MTCL1: variants seen among roughly 807,000 people sequenced by gnomAD.
The protein encoded by MTCL1 is microtubule crosslinking factor 1.
A neutral mutation model predicts 141.4 loss-of-function variants in MTCL1; 79 were observed. The observed-to-expected ratio is 0.56, with a 90% CI of 0.47 to 0.67. The LOEUF is 0.67. Ranked by LOEUF, MTCL1 falls within the 30% of genes least tolerant of loss-of-function variation. MTCL1 has a pLI of 0.00. For missense variants in MTCL1, 2,177 were observed against 2,113.9 expected (o/e 1.03, Z -0.59); for synonymous variants, 914 against 875.8 (o/e 1.04, Z -0.77).
chr18:8,741,062 T>G (rs1165283574), intron 4 of MTCL1, among the ~76,000 whole-genome samples: 1 of 152,214 alleles, frequency 6.6e-6, no homozygotes, highest in Non-Finnish European at 1.5e-5. Context: ...GAGCCCAGAA[T>G]GGTGAAGGGA....
In MTCL1 at chr18:8,828,843, T is replaced by C; in HGVS notation, c.4723-65T>C. On this transcript the variant is annotated intron_variant, in intron 15 of 16. Coordinates refer to ENST00000359865, the Ensembl canonical transcript of MTCL1. This position sits in a 1 kb window ranked among gnomAD's most constrained non-coding sequence, Gnocchi z 5.2. The stretch of plus-strand genomic sequence containing the variant: ...TGCTGACTTTAAACCTTTATTGTTC[T>C]CCTGTTTAAAAAACACTTTCCAACC... 3.1e-6 allele frequency: 5 copies of C among 1,612,484 alleles called. No homozygotes were observed. Among genetic ancestry groups the C allele is most frequent in the East Asian group, 2.2e-5 (1 of 44,882 alleles).
chr18:8,783,476 C>T (rs1304223054), intron 5 of MTCL1, 54 bp from the exon 5 acceptor site: 36 of 1,471,784 alleles, frequency 2.4e-5, no homozygotes, highest in African/African-American at 7.0e-5. Flanking sequence ...ATGAAAAACA[C>T]GAACATTTGG....
intron 10 of MTCL1, chr18:8,801,535 TTAAG>T (rs1008410206): frequency 7.9e-5 from 12 of 152,188 alleles, no homozygotes; most frequent in East Asian, 5.8e-4. Flanking sequence ...CTGTCACTCT[TTAAG>T]TAGCCCCTGC....
At position 8,772,986 on chromosome 18, in the gene MTCL1, T is replaced by C. The variant is rs115497623; in HGVS notation, c.358-4847T>C. 1.4e-3 allele frequency among the ~76,000 whole-genome samples: 214 copies of C among 152,298 alleles called. 2 individuals carry two copies. Among genetic ancestry groups the C allele is most frequent in the African/African-American group, 4.8e-3 (200 of 41,562 alleles). ...ATGGTTATGTTGATTTGCCTAACTG[T>C]AGCAATCATTTCACTATGTGTATTC... On this transcript the variant is annotated intron_variant, in intron 4 of 16. Coordinates refer to ENST00000359865, the Ensembl canonical transcript of MTCL1.
In MTCL1 at chr18:8,813,129, G is replaced by A. The variant is rs527348053; in HGVS notation, c.2755G>A (p.Glu919Lys). The A allele has an allele frequency of 4.0e-5, 65 of 1,614,192 alleles. No homozygotes were observed. In the South Asian group the frequency reaches 5.4e-4, roughly 13 times the overall value. ...CCTGCGCTGGCAGATCCATCACAGC[G>A]AGAAGAACTGGAACCGGGAGAAGGT... The change falls in exon 12 of 17, where the codon GAG becomes AAG. Residue 919 changes from glutamate to lysine, a missense_variant. Physicochemically the swap from Glu to Lys is moderately conservative, Grantham distance 56. Coordinates refer to ENST00000359865, the Ensembl canonical transcript of MTCL1.
intron 4 of MTCL1, among the ~76,000 whole-genome samples, chr18:8,760,339 C>G (rs1196444993): frequency 6.6e-6 from 1 of 152,188 alleles, no homozygotes; most frequent in Non-Finnish European, 1.5e-5. Flanking sequence ...ACAAGAGTCC[C>G]CACCTCATAT....
intron 4 of MTCL1, among the ~76,000 whole-genome samples, chr18:8,755,574 C>G (rs1250815501): frequency 6.6e-6 from 1 of 152,172 alleles, no homozygotes; most frequent in East Asian, 1.9e-4. Flanking sequence ...CTTCCTGAGG[C>G]CATGCAGCTT....
intron 4 of MTCL1, among the ~76,000 whole-genome samples, chr18:8,730,547 G>T (rs1396871310): frequency 6.6e-6 from 1 of 152,230 alleles, no homozygotes; most frequent in African/African-American, 2.4e-5. Context: ...TGGCCTGTTT[G>T]GTTAGTGATA....
chr18:8,796,512 C>A, intron 9 of MTCL1, 50 bp downstream of exon 8: 1 of 1,563,804 alleles, frequency 6.4e-7, no homozygotes, highest in Admixed American at 1.7e-5. Flanking sequence ...TGTCCTTGAC[C>A]CCAGACACTG....
intron 12 of MTCL1, among the ~76,000 whole-genome samples, chr18:8,816,327 T>G (rs2076654201): frequency 2.0e-5 from 3 of 152,246 alleles, no homozygotes; most frequent in African/African-American, 7.2e-5. Context: ...GCAGTAACAC[T>G]AAATCCATTT....
chr18:8,805,282 C>T (rs2076259565), intron 10 of MTCL1, among the ~76,000 whole-genome samples: 1 of 152,066 alleles, frequency 6.6e-6, no homozygotes, highest in Admixed American at 6.6e-5. Flanking sequence ...TTTTGGAATA[C>T]CCAGTGTCTG....
intron 4 of MTCL1, among the ~76,000 whole-genome samples, chr18:8,726,278 CT>C (rs896870505): frequency 1.3e-5 from 1 of 78,048 alleles, no homozygotes; most frequent in Non-Finnish European, 2.3e-5. Context: ...GCTTTTTTTT[CT>C]TTTTTTCTTT....
intron 5 of MTCL1, among the ~76,000 whole-genome samples, chr18:8,781,368 T>C (rs995197150): frequency 2.0e-5 from 3 of 152,020 alleles, no homozygotes; most frequent in Admixed American, 6.6e-5. Context: ...TAGTTGTGAG[T>C]AGGGCAGACA....
At chr18:8,803,187 A>T (rs564893672) in intron 10 of MTCL1, among the ~76,000 whole-genome samples, 1 of 151,962 alleles carries the variant, frequency 6.6e-6, no homozygotes, top group East Asian at 1.9e-4. Flanking sequence ...GAAGAAAAAG[A>T]AAAAGGCTTG....
chr18:8,790,387 G>T (rs943231504), intron 7 of MTCL1, among the ~76,000 whole-genome samples: 3 of 152,140 alleles, frequency 2.0e-5, no homozygotes, highest in Non-Finnish European at 2.9e-5. Flanking sequence ...TAAAGCTTTT[G>T]GCTAGCACCT....
intron 13 of MTCL1, among the ~76,000 whole-genome samples, chr18:8,820,443 G>A (rs1270602010): frequency 6.6e-6 from 1 of 152,112 alleles, no homozygotes; most frequent in African/African-American, 2.4e-5. Flanking sequence ...CTCATTACCT[G>A]TGAAGCAGTT....
At chr18:8,730,566 C>A (rs996920221) in intron 4 of MTCL1, among the ~76,000 whole-genome samples, 4 of 152,152 alleles carry the variant, frequency 2.6e-5, no homozygotes, top group Non-Finnish European at 5.9e-5. Flanking sequence ...TAAGCGAAGC[C>A]GCTTCTGTTC....
In MTCL1 at chr18:8,718,413, G is replaced by A; in HGVS notation, c.-27-11G>A. On this transcript the variant is annotated splice_polypyrimidine_tract_variant and intron_variant, in intron 2 of 16. Transcript: ENST00000359865. Reference sequence around the variant, plus strand: ...CTTGGCTCATAAATCTTCTCTGTCTGATTTGCATAGGATGAGTTAGATGAA... The same window carrying A: ...CTTGGCTCATAAATCTTCTCTGTCTAATTTGCATAGGATGAGTTAGATGAA... 1 of 1,612,970 alleles carries A rather than the reference G, an allele frequency of 6.2e-7. No individual in the cohort carries two copies. Among genetic ancestry groups the A allele is most frequent in the Middle Eastern group, 1.6e-4 (1 of 6,062 alleles).
At chr18:8,715,578 T>G (rs993292833), upstream of MTCL1, among the ~76,000 whole-genome samples, 1 of 152,156 alleles carries the variant, frequency 6.6e-6, no homozygotes, top group Non-Finnish European at 1.5e-5. Context: ...TATTAATGAC[T>G]CAGTGAAACA....
Sources: allele counts gnomAD v4.1 joint callset (sites outside exome capture counted in the v4.1 genomes callset), GRCh38; gene constraint gnomAD v4.1.1; non-coding constraint Gnocchi (gnomAD v3.1); transcripts MANE v1.5; gene names NCBI Gene and HGNC (gene_info 2026-07-23, HGNC 2026-07-21).